The following GALNT13 variants were observed in gnomAD, a reference collection of about 807,000 sequenced individuals.
GALNT13 encodes the protein UDP-GalNAc:polypeptide N-acetylgalactosaminyltransferase 13.
Under a neutral mutation model 64.2 loss-of-function variants are expected in GALNT13, and 28 were observed. The observed-to-expected ratio is 0.44, with a 90% CI of 0.32 to 0.60. The LOEUF (loss-of-function observed/expected upper bound fraction) is 0.60. Ranked by LOEUF, GALNT13 falls within the 20% of genes least tolerant of loss-of-function variation. The pLI is 0.05. For synonymous variants in GALNT13, 214 were observed against 224.6 expected, an observed-to-expected ratio of 0.95 and a Z score of 0.42; for missense variants, 577 against 669.8, an observed-to-expected ratio of 0.86 and a Z score of 1.53.
At chr2:153,915,608 G>A (rs995206310) in intron 2 of GALNT13, among the ~76,000 whole-genome samples, 16 of 152,118 alleles carry the variant, frequency 1.1e-4, no homozygotes, top group African/African-American at 3.9e-4. Flanking sequence ...GGTGACCCCT[G>A]CCCTCTGCAT....
At chr2:153,573,601 T>C in the GALNT13 span, among the ~76,000 whole-genome samples, 1 of 152,078 alleles carries the variant, frequency 6.6e-6, no homozygotes, top group African/African-American at 2.4e-5. Flanking sequence ...TGTGTATCCA[T>C]TGCATGTTTT....
chr2:153,792,583 C>G, the GALNT13 span, among the ~76,000 whole-genome samples: 1 of 152,120 alleles, frequency 6.6e-6, no homozygotes, highest in African/African-American at 2.4e-5. Context: ...GCTTTTATCA[C>G]TTAAAATTCA....
chr2:153,533,723 C>CTTTT, the GALNT13 span, among the ~76,000 whole-genome samples: 53 of 48,702 alleles, frequency 1.1e-3, 7 homozygotes, highest in African/African-American at 3.5e-3. Context: ...TGAGGTTTTT[C>CTTTT]TTTTTTTTTT....
chr2:154,393,580 A>AT (rs970397102), intron 9 of GALNT13, among the ~76,000 whole-genome samples: 2 of 152,128 alleles, frequency 1.3e-5, no homozygotes, highest in Non-Finnish European at 2.9e-5. Context: ...AGCCCACCAT[A>AT]TTTTTTTGTA....
At chr2:153,573,668 C>A in the GALNT13 span, among the ~76,000 whole-genome samples, 1 of 151,922 alleles carries the variant, frequency 6.6e-6, no homozygotes, top group Non-Finnish European at 1.5e-5. Flanking sequence ...ATTATTTTAA[C>A]CTTGTGACAA....
the GALNT13 span, among the ~76,000 whole-genome samples, chr2:153,863,018 A>G: frequency 1.3e-5 from 2 of 152,120 alleles, no homozygotes; most frequent in South Asian, 4.1e-4. Context: ...CAATTTGGCC[A>G]CATAGGTGAA....
chr2:154,194,684 C>A lies in GALNT13; in HGVS notation c.312-47346C>A, dbSNP rs970260583. On this transcript the variant is annotated intron_variant, in intron 4 of 12. Transcript: ENST00000392825. ...TATTAGCTAAGATTTATTAAAGGCC[C>A]TCTGTTTTAGGGGCTTCATATGATT... 2.7e-4 allele frequency among the ~76,000 whole-genome samples: 41 copies of A among 151,986 alleles called. 1 individual carries two copies. The highest frequency in any genetic ancestry group is 9.7e-4 in the African/African-American group (40 of 41,352).
At chr2:154,199,944 A>T (rs1559020623) in intron 4 of GALNT13, among the ~76,000 whole-genome samples, 1 of 152,056 alleles carries the variant, frequency 6.6e-6, no homozygotes, top group African/African-American at 2.4e-5. Context: ...TTGATTTTAT[A>T]ATTACCGAGC....
At chr2:154,230,633 T>C (rs1688864874) in intron 4 of GALNT13, among the ~76,000 whole-genome samples, 1 of 152,138 alleles carries the variant, frequency 6.6e-6, no homozygotes, top group Non-Finnish European at 1.5e-5. Context: ...AATGGTAATA[T>C]ATGATTGTTA....
chr2:153,423,454 G>A, the GALNT13 span: 4 of 151,842 alleles, frequency 2.6e-5, no homozygotes, highest in South Asian at 4.1e-4. Context: ...CGAGAACAAG[G>A]CCTCAATGCC....
At chr2:153,863,801 A>G in the GALNT13 span, among the ~76,000 whole-genome samples, 1 of 152,174 alleles carries the variant, frequency 6.6e-6, no homozygotes, top group East Asian at 1.9e-4. Flanking sequence ...CCGTGAAGCA[A>G]TGATACAGTC....
At chr2:153,553,514 T>C in the GALNT13 span, among the ~76,000 whole-genome samples, 7 of 152,036 alleles carry the variant, frequency 4.6e-5, no homozygotes, top group Admixed American at 1.3e-4. Flanking sequence ...AACAACATGG[T>C]TGTAAGATTA....
chr2:153,443,930 G>C, the GALNT13 span, among the ~76,000 whole-genome samples: 9 of 151,690 alleles, frequency 5.9e-5, no homozygotes, highest in Non-Finnish European at 1.5e-5. Flanking sequence ...AAAAAAAAAA[G>C]GTCAGTTTCT....
At chr2:153,608,138 G>A in the GALNT13 span, among the ~76,000 whole-genome samples, 114 of 151,800 alleles carry the variant, frequency 7.5e-4, no homozygotes, top group African/African-American at 2.5e-3. Context: ...CTTCCAGATT[G>A]TTCTTTGTCA....
At chr2:154,240,065 AT>A (rs1346676188) in intron 4 of GALNT13, among the ~76,000 whole-genome samples, 14 of 152,346 alleles carry the variant, frequency 9.2e-5, no homozygotes, top group African/African-American at 4.8e-5. Context: ...ACATAAAAAA[AT>A]AACCTCAGGT....
the GALNT13 span, among the ~76,000 whole-genome samples, chr2:153,190,131 G>C: frequency 6.6e-6 from 1 of 151,954 alleles, no homozygotes; most frequent in Non-Finnish European, 1.5e-5. Context: ...TATTTCTGTT[G>C]CTTGTGCTTT....
the GALNT13 span, among the ~76,000 whole-genome samples, chr2:153,419,846 A>T: frequency 6.6e-6 from 1 of 152,198 alleles, no homozygotes; most frequent in South Asian, 2.1e-4. Flanking sequence ...GTTAAAAAGA[A>T]TGGTAGAAAT....
the GALNT13 span, among the ~76,000 whole-genome samples, chr2:153,069,195 C>G: frequency 6.6e-6 from 1 of 152,310 alleles, no homozygotes; most frequent in East Asian, 1.9e-4. Flanking sequence ...AAGCCTAGAG[C>G]TTCTCCCCTG....
At chr2:153,262,621 T>C in the GALNT13 span, among the ~76,000 whole-genome samples, 1 of 152,124 alleles carries the variant, frequency 6.6e-6, no homozygotes, top group African/African-American at 2.4e-5. Context: ...GTTGGCTTCA[T>C]CCCTGGAATG....
Sources: allele counts gnomAD v4.1 joint callset (sites outside exome capture counted in the v4.1 genomes callset), GRCh38; gene constraint gnomAD v4.1.1; transcripts MANE v1.5; gene names NCBI Gene and HGNC (gene_info 2026-07-23, HGNC 2026-07-21).